Variants in NRXN1 observed in about 807,000 individuals in gnomAD.
NRXN1 encodes the protein neurexin-1.
In NRXN1, 39 loss-of-function variants were observed where a neutral mutation model predicts 150.9. The ratio of observed to expected loss-of-function variants is 0.26; its 90% CI spans 0.20 to 0.34. The LOEUF (loss-of-function observed/expected upper bound fraction) is 0.34, where lower values mean the gene tolerates loss of function less well. Ranked by LOEUF, NRXN1 falls within the 10% of genes least tolerant of loss-of-function variation. The pLI, the probability that NRXN1 is intolerant of heterozygous loss-of-function variation, is 1.00. For synonymous variants in NRXN1, 924 were observed against 757.0 expected, an observed-to-expected ratio of 1.22 and a Z score of -3.62; for missense variants, 1,815 against 1,949.9, an observed-to-expected ratio of 0.93 and a Z score of 1.30.
chr2:50,359,598 T>C (rs75160550), intron 17 of NRXN1, among the ~76,000 whole-genome samples: 1 of 151,850 alleles, frequency 6.6e-6, no homozygotes, highest in Non-Finnish European at 1.5e-5. Context: ...CCAAGATATA[T>C]GGGATTATAT....
At chr2:50,767,174 G>A (rs1702477863) in intron 5 of NRXN1, among the ~76,000 whole-genome samples, 1 of 152,050 alleles carries the variant, frequency 6.6e-6, no homozygotes. Flanking sequence ...GGGGAAAATT[G>A]TGGACATTCT....
chr2:50,193,191 T>A (rs1484311600), intron 18 of NRXN1, among the ~76,000 whole-genome samples: 1 of 152,184 alleles, frequency 6.6e-6, no homozygotes, highest in Non-Finnish European at 1.5e-5. Context: ...TTGATGATCC[T>A]TCCATATCCT....
intron 5 of NRXN1, among the ~76,000 whole-genome samples, chr2:50,841,827 A>G (rs1169869485): frequency 2.6e-5 from 4 of 152,172 alleles, no homozygotes; most frequent in South Asian, 4.1e-4. Flanking sequence ...CTTGTATTAC[A>G]TAACTATTTA....
intron 5 of NRXN1, among the ~76,000 whole-genome samples, chr2:50,687,720 C>T (rs1403284173): frequency 1.3e-5 from 2 of 152,178 alleles, no homozygotes; most frequent in African/African-American, 4.8e-5. Flanking sequence ...TTAGATTGGG[C>T]AACCGCGTTA....
intron 18 of NRXN1, among the ~76,000 whole-genome samples, chr2:50,189,025 C>T (rs1281646376): frequency 6.6e-6 from 1 of 152,040 alleles, no homozygotes; most frequent in Non-Finnish European, 1.5e-5. Context: ...GGGTATATAC[C>T]CAAAGGATTA....
chr2:50,713,083 C>T (rs374582774), intron 5 of NRXN1, among the ~76,000 whole-genome samples: 2 of 151,992 alleles, frequency 1.3e-5, no homozygotes, highest in Admixed American at 6.6e-5. Flanking sequence ...AAGGCCAAGG[C>T]AGGAAGATCA....
At chr2:50,491,627 G>A (rs776781967) in intron 15 of NRXN1, among the ~76,000 whole-genome samples, 3 of 152,168 alleles carry the variant, frequency 2.0e-5, no homozygotes, top group Non-Finnish European at 2.9e-5. Flanking sequence ...GGGTTTGAGA[G>A]GGAGAACAGA....
At position 50,288,223 on chromosome 2, in the gene NRXN1, G is replaced by A. The variant is rs528104469; in HGVS notation, c.3365-51253C>T. On this transcript the variant is annotated intron_variant, in intron 17 of 22. Coordinates refer to ENST00000401669, the MANE Select transcript of NRXN1 (RefSeq NM_001330078.2). ...GAAGCTAAAGCAGTGGTTGTCAATT[G>A]GAGAAGATTTTACTTCCAGGGACAT... Among the ~76,000 whole-genome samples the A allele has an allele frequency of 1.9e-4, 29 of 152,144 alleles. No homozygotes were observed. The East Asian group carries it at 5.6e-3, about 29-fold the overall frequency.
At chr2:50,997,855 C>T (rs1699528259) in intron 2 of NRXN1, among the ~76,000 whole-genome samples, 1 of 141,730 alleles carries the variant, frequency 7.1e-6, no homozygotes, top group Non-Finnish European at 1.5e-5. Context: ...AGCAATGCTT[C>T]TGAAGGCCAA....
intron 2 of NRXN1, among the ~76,000 whole-genome samples, chr2:50,984,728 G>C (rs1217748791): frequency 6.6e-6 from 1 of 152,002 alleles, no homozygotes; most frequent in African/African-American, 2.4e-5. Context: ...CACCAGAGTT[G>C]TGCCCTTTTT....
Position 49,952,492 on chromosome 2 carries a change from G to C in NRXN1, c.4129-8701C>G, listed in dbSNP as rs540176137. On this transcript the variant is annotated intron_variant, in intron 21 of 22. Transcript: ENST00000401669. ...ATATTGACATAATTACAGTTATTTT[G>C]AAATGGAGTTAACCCAGAGAGTTCT... is the stretch of plus-strand genomic sequence containing the variant. 5.9e-5 allele frequency among the ~76,000 whole-genome samples: 9 copies of C among 152,108 alleles called. No homozygotes were observed. The South Asian group carries it at 1.9e-3, about 32-fold the overall frequency.
chr2:50,659,973 T>C (rs1687056190), intron 5 of NRXN1, among the ~76,000 whole-genome samples: 1 of 152,014 alleles, frequency 6.6e-6, no homozygotes, highest in South Asian at 2.1e-4. Context: ...ATTACAATTG[T>C]TCCAAGAGGA....
chr2:50,365,072 T>C (rs568402143), intron 17 of NRXN1, among the ~76,000 whole-genome samples: 2 of 152,182 alleles, frequency 1.3e-5, no homozygotes, highest in East Asian at 3.9e-4. Context: ...AAAAGATAAT[T>C]AGCTTAACAG....
chr2:50,987,668 T>C (rs1036669152), intron 2 of NRXN1, among the ~76,000 whole-genome samples: 1 of 151,960 alleles, frequency 6.6e-6, no homozygotes, highest in Non-Finnish European at 1.5e-5. Flanking sequence ...TTAAGGCAGC[T>C]TCTAATAAAG....
intron 5 of NRXN1, among the ~76,000 whole-genome samples, chr2:50,871,694 C>T (rs947762390): frequency 1.3e-5 from 2 of 151,558 alleles, no homozygotes; most frequent in East Asian, 2.0e-4. Context: ...CAAAACATGC[C>T]GAGGGGTCAC....
At chr2:50,890,004 G>T (rs1680817331) in intron 5 of NRXN1, among the ~76,000 whole-genome samples, 1 of 150,830 alleles carries the variant, frequency 6.6e-6, no homozygotes, top group Non-Finnish European at 1.5e-5. Context: ...TAATAATGCT[G>T]CATGTTAATA....
At chr2:51,014,657 G>A (rs915159327) in intron 2 of NRXN1, among the ~76,000 whole-genome samples, 4 of 151,998 alleles carry the variant, frequency 2.6e-5, no homozygotes, top group African/African-American at 9.7e-5. Flanking sequence ...TGAAGAGTCT[G>A]GCCTCAGGAT....
At chr2:50,762,122 T>TAC (rs35059030) in intron 5 of NRXN1, among the ~76,000 whole-genome samples, 11,798 of 145,828 alleles carry the variant, frequency 0.081, 541 homozygotes, top group Middle Eastern at 0.15. Context: ...TATATGTGTA[T>TAC]ACACACACAC....
intron 17 of NRXN1, among the ~76,000 whole-genome samples, chr2:50,377,472 T>C (rs1307276961): frequency 6.6e-6 from 1 of 152,206 alleles, no homozygotes; most frequent in Non-Finnish European, 1.5e-5. Context: ...GATGTATATG[T>C]GCCACATGTT....
Sources: allele counts gnomAD v4.1 joint callset (sites outside exome capture counted in the v4.1 genomes callset), GRCh38; gene constraint gnomAD v4.1.1; transcripts MANE v1.5; gene names NCBI Gene and HGNC (gene_info 2026-07-23, HGNC 2026-07-21).